Variants in SLC38A1 observed in about 807,000 individuals in gnomAD.
SLC38A1 encodes the protein solute carrier family 38 member 1.
Under a neutral mutation model 60.3 loss-of-function variants are expected in SLC38A1, and 18 were observed. That is an observed-to-expected ratio of 0.30 (90% CI 0.21 to 0.44). SLC38A1 has a LOEUF of 0.44. Among genes scored for constraint, SLC38A1 ranks in the 20% least tolerant of loss-of-function variants. SLC38A1 has a pLI of 1.00. For missense variants in SLC38A1, 448 were observed against 587.2 expected (o/e 0.76, Z 2.45); for synonymous variants, 196 against 212.1 (o/e 0.92, Z 0.66).
intron 9 of SLC38A1, 97 bp downstream of exon 9, chr12:46,205,983 T>C: frequency 4.4e-6 from 3 of 679,450 alleles, no homozygotes; most frequent in Non-Finnish European, 5.2e-6. Context: ...TTTGAGTGCA[T>C]GCAGAGGGGA....
intron 11 of SLC38A1, among the ~76,000 whole-genome samples, chr12:46,203,480 G>A (rs915920000): frequency 3.9e-5 from 6 of 152,152 alleles, no homozygotes; most frequent in Non-Finnish European, 8.8e-5. Flanking sequence ...CAGGTCAGGC[G>A]ACTGGCCCAG....
intron 14 of SLC38A1, 23 bp downstream of exon 14, chr12:46,198,602 A>G: frequency 6.6e-7 from 1 of 1,504,578 alleles, no homozygotes; most frequent in South Asian, 1.2e-5. Context: ...CTTTTCTCAT[A>G]TTGCACAGAG....
intron 1 of SLC38A1, among the ~76,000 whole-genome samples, chr12:46,263,986 A>G (rs1249451111): frequency 6.6e-6 from 1 of 152,240 alleles, no homozygotes; most frequent in African/African-American, 2.4e-5. Context: ...AAACCAATGC[A>G]TATCAAAATC....
chr12:46,222,467 G>GTACTATGCTACACAGTATTAATAA (rs1307995940), intron 5 of SLC38A1, among the ~76,000 whole-genome samples: 1 of 152,076 alleles, frequency 6.6e-6, no homozygotes, highest in Non-Finnish European at 1.5e-5. Flanking sequence ...TCATGTAATA[G>GTACTATGCTACACAGTATTAATAA]TACTATGCTA....
Position 46,207,249 on chromosome 12 carries a change from G to A in SLC38A1, c.482-13C>T. Reference sequence around the variant, plus strand: ...TAGCTCAGCATTGCTGAAGGAAAATGAGAACATTTTTAGAAAGAAGATACG... The same window carrying A: ...TAGCTCAGCATTGCTGAAGGAAAATAAGAACATTTTTAGAAAGAAGATACG... On this transcript the variant is annotated splice_polypyrimidine_tract_variant and intron_variant, in intron 7 of 16. Coordinates refer to ENST00000398637, the MANE Select transcript of SLC38A1 (RefSeq NM_030674.4). 1 of 1,603,290 alleles carries A rather than the reference G, an allele frequency of 6.2e-7. No individual in the cohort carries two copies. Among genetic ancestry groups the A allele is most frequent in the East Asian group, 2.2e-5 (1 of 44,760 alleles).
At position 46,229,622 on chromosome 12, in the gene SLC38A1, C is replaced by T. The variant is rs375531906; in HGVS notation, c.140G>A (p.Arg47His). ...GQINSKFISD[R>H]ESRRSLTNSH... ...GTTTGTGAGACTTCTTCTACTTTCA[C>T]GATCAGAAATAAACTTGCTGTAAAG... The change falls in exon 4 of 17, where the codon CGT (arginine) becomes CAT (histidine). Residue 47 changes from arginine to histidine, a missense_variant. Coordinates refer to ENST00000398637, the MANE Select transcript of SLC38A1 (RefSeq NM_030674.4). 1.4e-5 allele frequency: 22 copies of T among 1,613,366 alleles called. No individual in the cohort carries two copies. The highest frequency in any genetic ancestry group is 1.8e-5 in the Non-Finnish European group (21 of 1,179,746).
intron 1 of SLC38A1, among the ~76,000 whole-genome samples, chr12:46,254,183 G>T (rs1365384116): frequency 6.6e-6 from 1 of 152,166 alleles, no homozygotes; most frequent in Non-Finnish European, 1.5e-5. Context: ...AATATGTCCA[G>T]AATTGGAATA....
chr12:46,194,302 G>T (rs766918265), intron 16 of SLC38A1, among the ~76,000 whole-genome samples: 1 of 152,118 alleles, frequency 6.6e-6, no homozygotes, highest in South Asian at 2.1e-4. Context: ...CAGAGAGATC[G>T]GCTGTTAGTC....
At chr12:46,266,037 GA>G (rs1942340094) in intron 1 of SLC38A1, among the ~76,000 whole-genome samples, 1 of 152,160 alleles carries the variant, frequency 6.6e-6, no homozygotes, top group South Asian at 2.1e-4. Flanking sequence ...GAGAAGCAGA[GA>G]AGAAAAAGAC....
chr12:46,240,944 G>A (rs890657894), intron 2 of SLC38A1, among the ~76,000 whole-genome samples: 1 of 152,088 alleles, frequency 6.6e-6, no homozygotes, highest in African/African-American at 2.4e-5. Flanking sequence ...AGAATTTTGG[G>A]GGCACAGCAG....
chr12:46,192,398 T>G (rs929858337), intron 16 of SLC38A1, among the ~76,000 whole-genome samples: 11 of 152,334 alleles, frequency 7.2e-5, no homozygotes, highest in Admixed American at 5.9e-4. Flanking sequence ...AATTCTCTTT[T>G]TTTGTTGTGT....
At chr12:46,248,668 G>A (rs1397437741) in intron 1 of SLC38A1, among the ~76,000 whole-genome samples, 2 of 152,080 alleles carry the variant, frequency 1.3e-5, no homozygotes, top group East Asian at 1.9e-4. Context: ...GCACCAAGTG[G>A]ACCTAATAGA....
intron 3 of SLC38A1, 144 bp from the exon 4 acceptor site, chr12:46,229,783 A>G: frequency 4.5e-6 from 3 of 670,078 alleles, no homozygotes; most frequent in Non-Finnish European, 5.1e-6. Flanking sequence ...TTCAACCACC[A>G]ACTCCCCCCA....
intron 5 of SLC38A1, among the ~76,000 whole-genome samples, chr12:46,221,870 C>A (rs1052812842): frequency 3.3e-5 from 5 of 152,168 alleles, no homozygotes; most frequent in Admixed American, 1.3e-4. Context: ...CTGGGAGGAT[C>A]AGACAAGCAG....
At position 46,198,754 on chromosome 12, in the gene SLC38A1, G is replaced by A. The variant is rs1451961301; in HGVS notation, c.1004-11C>T. On this transcript the variant is annotated splice_polypyrimidine_tract_variant and intron_variant, in intron 13 of 16. Transcript: ENST00000398637. ...CGGACTGCACGTTGTCTAAAATGAG[G>A]GAAAAGCAAGAGGGTTTTAAAAGGA... 6.5e-7 allele frequency: 1 copy of A among 1,548,060 alleles called. No individual in the cohort carries two copies. The highest frequency in any genetic ancestry group is 1.2e-5 in the South Asian group (1 of 86,710).
intron 5 of SLC38A1, among the ~76,000 whole-genome samples, chr12:46,216,861 A>G (rs1036880072): frequency 1.4e-4 from 21 of 149,584 alleles, no homozygotes; most frequent in African/African-American, 5.1e-4. Flanking sequence ...TGCCGTTTCA[A>G]AAAAAAAAAA....
chr12:46,228,321 A>G (rs1187366131), intron 5 of SLC38A1, among the ~76,000 whole-genome samples: 1 of 152,196 alleles, frequency 6.6e-6, no homozygotes, highest in Admixed American at 6.5e-5. Flanking sequence ...AGTTTGTAGG[A>G]TTAGTAACCA....
Position 46,187,262 on chromosome 12 carries a change from G to A in SLC38A1, c.*1708C>T, listed in dbSNP as rs1290948840. On this transcript the variant is annotated 3_prime_UTR_variant, in exon 17 of 17. Coordinates refer to ENST00000398637, the MANE Select transcript of SLC38A1 (RefSeq NM_030674.4). ...CCTTTGGGGATTTGAGTCAGGAAGG[G>A]AACATGGCTAAGTGCCTGGAAACTC... The A allele has an allele frequency of 6.6e-6, 1 of 152,228 alleles. No homozygotes were observed. The highest frequency in any genetic ancestry group is 1.5e-5 in the Non-Finnish European group (1 of 68,072). 9.4% of individuals were successfully genotyped at this position (152,228 alleles called of 1,614,324 possible).
chr12:46,234,246 C>T (rs1242924368), intron 3 of SLC38A1, among the ~76,000 whole-genome samples: 2 of 152,190 alleles, frequency 1.3e-5, no homozygotes, highest in Non-Finnish European at 1.5e-5. Flanking sequence ...CCTAACCACA[C>T]ATTAGCAACT....
Sources: allele counts gnomAD v4.1 joint callset (sites outside exome capture counted in the v4.1 genomes callset), GRCh38; gene constraint gnomAD v4.1.1; transcripts MANE v1.5; gene names NCBI Gene and HGNC (gene_info 2026-07-23, HGNC 2026-07-21).